Variants in ARHGAP19 observed in about 807,000 individuals in gnomAD.
ARHGAP19 encodes the protein rho GTPase-activating protein 19.
ARHGAP19 carries 48 observed loss-of-function variants against 60.9 expected under a neutral mutation model. The ratio of observed to expected loss-of-function variants is 0.79; its 90% CI spans 0.62 to 1.00. The LOEUF is 1.00. ARHGAP19 is among the 50% of genes least tolerant of loss of function. ARHGAP19 has a pLI of 0.00. For synonymous variants in ARHGAP19, 209 were observed against 215.5 expected, an observed-to-expected ratio of 0.97 and a Z score of 0.27; for missense variants, 562 against 597.2, an observed-to-expected ratio of 0.94 and a Z score of 0.61.
At chr10:97,271,177 T>C (rs145463243) in intron 1 of ARHGAP19, among the ~76,000 whole-genome samples, 1 of 152,148 alleles carries the variant, frequency 6.6e-6, no homozygotes, top group Non-Finnish European at 1.5e-5. Context: ...CAAATGACAT[T>C]ACATACTAAA....
At position 97,227,360 on chromosome 10, in the gene ARHGAP19, T is replaced by C. The variant is rs553306085; in HGVS notation, c.1475-1228A>G. Among the ~76,000 whole-genome samples the C allele has an allele frequency of 4.6e-5, 7 of 152,098 alleles. No homozygotes were observed. The South Asian group carries it at 1.2e-3, about 27-fold the overall frequency. Reference sequence around the variant, plus strand: ...AGACCTGGCATTGCCAGGCTGGAAGTAGTTATCATACAGAGAGCAGAGCTG... The same window carrying C: ...AGACCTGGCATTGCCAGGCTGGAAGCAGTTATCATACAGAGAGCAGAGCTG... On this transcript the variant is annotated intron_variant, in intron 11 of 11. Transcript: ENST00000358531.
At chr10:97,232,924 G>C (rs1376589348) in intron 9 of ARHGAP19, among the ~76,000 whole-genome samples, 2 of 152,080 alleles carry the variant, frequency 1.3e-5, no homozygotes, top group African/African-American at 4.8e-5. Flanking sequence ...GAAGCGGGCA[G>C]ATTACTTGAG....
At chr10:97,256,502 C>G in intron 5 of ARHGAP19, 98 bp from the exon 6 acceptor site, 2 of 879,706 alleles carry the variant, frequency 2.3e-6, no homozygotes, top group Non-Finnish European at 3.7e-6. Flanking sequence ...GTTTCTATCC[C>G]TAGCCTAGGT....
chr10:97,267,762 T>C (rs1409354940), intron 1 of ARHGAP19, among the ~76,000 whole-genome samples: 1 of 152,222 alleles, frequency 6.6e-6, no homozygotes, highest in East Asian at 1.9e-4. Context: ...ACTGTCCCCT[T>C]TTAGCCATAG....
chr10:97,226,801 T>A (rs1850905144), intron 11 of ARHGAP19, among the ~76,000 whole-genome samples: 1 of 152,242 alleles, frequency 6.6e-6, no homozygotes, highest in Non-Finnish European at 1.5e-5. Flanking sequence ...TATATTTGGC[T>A]GTGTTAGCCA....
chr10:97,236,032 G>C (rs1025201383), intron 8 of ARHGAP19, among the ~76,000 whole-genome samples: 5 of 152,126 alleles, frequency 3.3e-5, no homozygotes, highest in Non-Finnish European at 7.4e-5. Context: ...CTGGAGCGCA[G>C]TGGCACAATC....
At chr10:97,256,238 A>T in intron 6 of ARHGAP19, 80 bp downstream of exon 6, 1 of 1,146,368 alleles carries the variant, frequency 8.7e-7, no homozygotes, top group East Asian at 2.4e-5. Context: ...TCGTTTAGTT[A>T]TCTTTATAGC....
At chr10:97,234,196 G>C (rs190119695) in intron 9 of ARHGAP19, among the ~76,000 whole-genome samples, 5 of 151,996 alleles carry the variant, frequency 3.3e-5, no homozygotes, top group Non-Finnish European at 5.9e-5. Flanking sequence ...GAACCCAAGA[G>C]GGGGAGGTTG....
chr10:97,270,773 G>T, intron 1 of ARHGAP19: 1 of 1,063,864 alleles, frequency 9.4e-7, no homozygotes, highest in Non-Finnish European at 1.3e-6. Flanking sequence ...GGCCTGAAAG[G>T]CAGTACTTAG....
chr10:97,230,979 C>A (rs974819467), intron 9 of ARHGAP19, among the ~76,000 whole-genome samples: 4 of 139,904 alleles, frequency 2.9e-5, no homozygotes, highest in African/African-American at 1.1e-4. Context: ...ATCACTTGAA[C>A]CCAGGAAGTG....
At chr10:97,272,729 T>C (rs1054183925) in intron 1 of ARHGAP19, among the ~76,000 whole-genome samples, 3 of 152,206 alleles carry the variant, frequency 2.0e-5, no homozygotes, top group Non-Finnish European at 2.9e-5. Flanking sequence ...CTACGTTCCA[T>C]AGTAATGTCC....
At position 97,272,819 on chromosome 10, in the gene ARHGAP19, CCTCT is replaced by C. The variant is rs552320096; in HGVS notation, c.57-6698_57-6695del. Among the ~76,000 whole-genome samples the C allele has an allele frequency of 5.3e-5, 8 of 151,498 alleles. No individual in the cohort carries two copies. In the South Asian group the frequency reaches 1.0e-3, roughly 20 times the overall value. ...GGTTCCAACTTCTAGCTTTGTTGAA[CCTCT>C]CTATTGATTATGTTTGTTGTTTTTT... On this transcript the variant is annotated intron_variant, in intron 1 of 11. Coordinates refer to ENST00000358531, the MANE Select transcript of ARHGAP19 (RefSeq NM_032900.6).
chr10:97,235,150 A>C, intron 9 of ARHGAP19, 67 bp downstream of exon 9: 1 of 1,453,894 alleles, frequency 6.9e-7, no homozygotes, highest in Non-Finnish European at 9.5e-7. Context: ...CTTTTTATGC[A>C]TAAGAAAAAT....
chr10:97,261,658 T>C (rs1842831225), intron 4 of ARHGAP19, among the ~76,000 whole-genome samples: 1 of 152,208 alleles, frequency 6.6e-6, no homozygotes, highest in Non-Finnish European at 1.5e-5. Flanking sequence ...ACTAATCGTA[T>C]TAGATTTTTA....
intron 8 of ARHGAP19, among the ~76,000 whole-genome samples, chr10:97,238,120 G>C (rs1221705144): frequency 6.6e-6 from 1 of 152,096 alleles, no homozygotes; most frequent in African/African-American, 2.4e-5. Flanking sequence ...ACCTTCTAGT[G>C]GAATAAGATG....
intron 1 of ARHGAP19, 75 bp from the exon 2 acceptor site, chr10:97,266,200 G>T: frequency 6.5e-7 from 1 of 1,544,726 alleles, no homozygotes; most frequent in Non-Finnish European, 8.8e-7. Flanking sequence ...TGGGTTATTT[G>T]GTCCTGACTC....
chr10:97,239,551 G>GTGTGT (rs1842440252), intron 8 of ARHGAP19, among the ~76,000 whole-genome samples: 51 of 20,288 alleles, frequency 2.5e-3, no homozygotes, highest in South Asian at 3.6e-3. Flanking sequence ...AGAGAGAGAG[G>GTGTGT]GTGTGTGTGT....
intron 1 of ARHGAP19, among the ~76,000 whole-genome samples, chr10:97,286,191 C>T (rs1330685802): frequency 6.7e-6 from 1 of 150,220 alleles, no homozygotes; most frequent in Non-Finnish European, 1.5e-5. Context: ...CTTAACTGTG[C>T]ATGTAAGAAC....
rs1842785744 is a variant in ARHGAP19 at position 97,258,502 on chromosome 10, C to CG, written c.840+899_840+900insC. On this transcript the variant is annotated intron_variant, in intron 5 of 11. Coordinates refer to ENST00000358531, the MANE Select transcript of ARHGAP19 (RefSeq NM_032900.6). The stretch of plus-strand genomic sequence containing the variant: ...TGAGCTGAGATTGCACCACTGCTCT[C>CG]CAGCCTAGGCAACAGAGGAAGACTC... 1.3e-5 allele frequency among the ~76,000 whole-genome samples: 2 copies of CG among 152,050 alleles called. 1 individual carries two copies. The highest frequency in any genetic ancestry group is 2.9e-5 in the Non-Finnish European group (2 of 68,014).
Sources: gnomAD v4.1 joint callset for allele counts (sites outside exome capture counted in the v4.1 genomes callset) on GRCh38, gnomAD v4.1.1 for gene constraint, MANE v1.5 for transcripts, NCBI Gene and HGNC (gene_info 2026-07-23, HGNC 2026-07-21) for gene names.